KIF3A: variants seen among roughly 807,000 people sequenced by gnomAD.
KIF3A encodes kinesin family member 3A.
A neutral mutation model predicts 92.6 loss-of-function variants in KIF3A; 27 were observed. The ratio of observed to expected loss-of-function variants is 0.29; its 90% CI spans 0.21 to 0.40. The LOEUF (loss-of-function observed/expected upper bound fraction) is 0.40, where lower values mean the gene tolerates loss of function less well. KIF3A is among the 10% of genes least tolerant of loss of function. The pLI is 1.00. For synonymous variants in KIF3A, 250 were observed against 275.4 expected, an observed-to-expected ratio of 0.91 and a Z score of 0.92; for missense variants, 581 against 872.6, an observed-to-expected ratio of 0.67 and a Z score of 4.21.
At chr5:132,733,757 C>T (rs1168717666) in intron 2 of KIF3A, among the ~76,000 whole-genome samples, 1 of 152,136 alleles carries the variant, frequency 6.6e-6, no homozygotes, top group Non-Finnish European at 1.5e-5. Context: ...AGAGCAAGAC[C>T]CTGTCCATAA....
chr5:132,703,455 A>AT lies in KIF3A; in HGVS notation c.1466+7dup. 6.3e-7 allele frequency: 1 copy of AT among 1,594,126 alleles called. No homozygotes were observed. The highest frequency in any genetic ancestry group is 1.1e-5 in the South Asian group (1 of 88,280). On this transcript the variant is annotated splice_region_variant and intron_variant, in intron 12 of 18. Coordinates refer to ENST00000403231, the MANE Select transcript of KIF3A (RefSeq NM_001300791.2). Reference sequence around the variant, plus strand: ...ATCATGAATTCATCTCAATTCAATAATACTCACTGGGCTTTAAGAAGATCT... The same window carrying AT: ...ATCATGAATTCATCTCAATTCAATAATTACTCACTGGGCTTTAAGAAGATCT...
chr5:132,691,807 C>A (rs1752671802), downstream of KIF3A, among the ~76,000 whole-genome samples: 1 of 151,980 alleles, frequency 6.6e-6, no homozygotes, highest in African/African-American at 2.4e-5. Flanking sequence ...GAGGCTGAGG[C>A]AGGAGAATTG....
intron 9 of KIF3A, 121 bp from the exon 10 acceptor site, chr5:132,709,099 G>A (rs1250201217): frequency 1.3e-6 from 1 of 743,244 alleles, no homozygotes; most frequent in African/African-American, 1.8e-5. Context: ...ATCAAGCTTT[G>A]TATTAAAGAA....
chr5:132,703,869 G>A (rs1313476052), intron 11 of KIF3A, among the ~76,000 whole-genome samples: 2 of 151,646 alleles, frequency 1.3e-5, no homozygotes, highest in Non-Finnish European at 3.0e-5. Context: ...AAGCGAAAGA[G>A]AAGCAAAATA....
intron 15 of KIF3A, among the ~76,000 whole-genome samples, chr5:132,701,289 A>G (rs1165986604): frequency 1.3e-5 from 2 of 152,164 alleles, no homozygotes; most frequent in Non-Finnish European, 2.9e-5. Context: ...ACCTGAGCTC[A>G]GGAACTCAAG....
In KIF3A at chr5:132,694,627, G is replaced by GT. The variant is rs77531068; in HGVS notation, c.*2006dup. On this transcript the variant is annotated 3_prime_UTR_variant, in exon 19 of 19. Transcript: ENST00000403231. ...GAAACATGAACTTTTAAAAAGAAGC[G>GT]TTTTTTTTAAACTGGTAAAATTAAG... The GT allele has an allele frequency of 0.057, 8,618 of 151,856 alleles. 595 individuals are homozygous for GT. Among genetic ancestry groups the GT allele is most frequent in the East Asian group, 0.22 (1,171 of 5,302 alleles). 9.4% of individuals were successfully genotyped at this position (151,856 alleles called of 1,614,324 possible).
intron 18 of KIF3A, 127 bp downstream of exon 18, chr5:132,699,044 T>G: frequency 9.9e-7 from 1 of 1,008,818 alleles, no homozygotes; most frequent in Non-Finnish European, 1.5e-6. Flanking sequence ...AGCCAGGAAT[T>G]TGATTTTTAA....
Position 132,702,999 on chromosome 5 carries a change from A to G in KIF3A, c.1533T>C (p.Val511=). The G allele has an allele frequency of 6.2e-7, 1 of 1,612,538 alleles. No individual in the cohort carries two copies. The part of the protein sequence containing the change: ...ALEKKVIVGG[V]DLLAKAEEQE... ...GTTCCTCAGCTTTGGCCAACAAGTC[A>G]ACCCCACCAACAATTACCTTCTTTT... Residue 511 remains valine, a synonymous_variant, in exon 13 of 19, where the codon GTT becomes GTC. Transcript: ENST00000403231.
At chr5:132,724,816 T>A (rs1203425045) in intron 4 of KIF3A, among the ~76,000 whole-genome samples, 141 of 10,902 alleles carry the variant, frequency 0.013, 5 homozygotes, top group Middle Eastern at 0.083. Flanking sequence ...AATATATATA[T>A]ATATATATAT....
At chr5:132,700,733 A>T in intron 15 of KIF3A, 33 bp from the exon 16 acceptor site, 2 of 1,351,120 alleles carry the variant, frequency 1.5e-6, no homozygotes, top group Non-Finnish European at 2.1e-6. Flanking sequence ...CCTATTTTTA[A>T]TATTTAATAA....
chr5:132,726,356 T>C lies in KIF3A; in HGVS notation c.423A>G (p.Thr141=), dbSNP rs1254402871. ...AAAATAAAAGAATTCCCTTTTACCT[T>C]GTATCACCCTCCGCTTTTGCAATAT... ...FGHIAKAEGD[T]RFLVRVSYLE... The change falls in exon 3 of 19, where the codon ACA becomes ACG. Residue 141 remains threonine, a splice_region_variant and synonymous_variant. Transcript: ENST00000403231. The C allele has an allele frequency of 1.2e-6, 2 of 1,613,544 alleles. No individual in the cohort carries two copies. Among genetic ancestry groups the C allele is most frequent in the East Asian group, 2.2e-5 (1 of 44,862 alleles).
chr5:132,732,938 GA>G (rs1754282501), intron 2 of KIF3A, among the ~76,000 whole-genome samples: 1 of 151,762 alleles, frequency 6.6e-6, no homozygotes, highest in Non-Finnish European at 1.5e-5. Context: ...ATGAATTGCT[GA>G]TATATGTTTA....
chr5:132,699,076 C>T, intron 18 of KIF3A, 95 bp downstream of exon 18: 1 of 1,230,850 alleles, frequency 8.1e-7, no homozygotes, highest in Non-Finnish European at 1.2e-6. Context: ...AAATATGTAT[C>T]ATGTTTTAAC....
Position 132,734,239 on chromosome 5 carries a change from T to C in KIF3A, c.246A>G (p.Arg82=), listed in dbSNP as rs1402198536. 1 of 1,613,770 alleles carries C rather than the reference T, an allele frequency of 6.2e-7. No individual in the cohort carries two copies. The highest frequency in any genetic ancestry group is 2.2e-5 in the East Asian group (1 of 44,874). Residue 82 remains arginine (R), a synonymous_variant, in exon 2 of 19, where the codon AGA becomes AGG. Coordinates refer to ENST00000403231, the MANE Select transcript of KIF3A (RefSeq NM_001300791.2). ...CTTCAAGTACAGAATCAATAATAGG[T>C]CTTGCAGTTAAGTTATAAACATCAA... The part of the protein sequence containing the change: ...KQLDVYNLTA[R]PIIDSVLEGY...
chr5:132,715,943 G>C lies in KIF3A; in HGVS notation c.955-12C>G, dbSNP rs766177858. ...CCAATATTTGCACACTATTGAATTA[G>C]AAATATGAAACAAATCATTTTACAC... is the stretch of plus-strand genomic sequence containing the variant. On this transcript the variant is annotated splice_polypyrimidine_tract_variant and intron_variant, in intron 7 of 18. Transcript: ENST00000403231. 6.5e-7 allele frequency: 1 copy of C among 1,535,972 alleles called. No individual in the cohort carries two copies. Among genetic ancestry groups the C allele is most frequent in the Non-Finnish European group, 8.8e-7 (1 of 1,132,168 alleles).
At chr5:132,730,387 A>AC (rs1257156328) in intron 2 of KIF3A, among the ~76,000 whole-genome samples, 2 of 151,870 alleles carry the variant, frequency 1.3e-5, no homozygotes, top group Non-Finnish European at 2.9e-5. Context: ...AATCGCTGGA[A>AC]CCCGGGGAAG....
At chr5:132,707,548 A>G (rs977956526) in intron 10 of KIF3A, among the ~76,000 whole-genome samples, 2 of 152,246 alleles carry the variant, frequency 1.3e-5, no homozygotes, top group Non-Finnish European at 2.9e-5. Flanking sequence ...ATATTTTCGC[A>G]TATTTCACAG....
intron 4 of KIF3A, among the ~76,000 whole-genome samples, chr5:132,724,812 TATATATATATATATATATATATA>T (rs1317944482): frequency 6.4e-4 from 8 of 12,452 alleles, no homozygotes; most frequent in East Asian, 2.7e-3. Flanking sequence ...AAAAAATATA[TATATATATATATATATATATATA>T]TATATATATA....
At chr5:132,722,435 G>C (rs574364231) in intron 4 of KIF3A, among the ~76,000 whole-genome samples, 2 of 152,118 alleles carry the variant, frequency 1.3e-5, no homozygotes, top group African/African-American at 2.4e-5. Flanking sequence ...AGAAATTTGC[G>C]CAAGAGTTTC....
Sources: gnomAD v4.1 joint callset for allele counts (sites outside exome capture counted in the v4.1 genomes callset) on GRCh38, gnomAD v4.1.1 for gene constraint, MANE v1.5 for transcripts, NCBI Gene and HGNC (gene_info 2026-07-23, HGNC 2026-07-21) for gene names.